The following FZD6 variants were observed in gnomAD, a reference collection of about 807,000 sequenced individuals.
The protein encoded by FZD6 is frizzled class receptor 6, also known as frizzled-6.
A neutral mutation model predicts 61.4 loss-of-function variants in FZD6; 49 were observed. The ratio of observed to expected loss-of-function variants is 0.80; its 90% CI spans 0.63 to 1.01. The LOEUF is 1.01. FZD6 is among the 50% of genes least tolerant of loss of function. The pLI, the probability that FZD6 is intolerant of heterozygous loss-of-function variation, is 0.00. For synonymous variants in FZD6, 265 were observed against 292.2 expected (o/e 0.91, Z 0.95); for missense variants, 724 against 848.2 (o/e 0.85, Z 1.82).
chr8:103,318,499 T>A, intron 2 of FZD6, 91 bp from the exon 3 acceptor site: 1 of 786,826 alleles, frequency 1.3e-6, no homozygotes, highest in Non-Finnish European at 2.2e-6. Flanking sequence ...GCAGTATAAG[T>A]GAAAAAGCAT....
chr8:103,328,462 T>C (rs1815020037), intron 5 of FZD6, 46 bp downstream of exon 5: 3 of 1,326,992 alleles, frequency 2.3e-6, no homozygotes, highest in Non-Finnish European at 3.3e-6. Context: ...AATAAATAGA[T>C]CAAAATACCA....
chr8:103,304,149 A>T (rs1814262037), intron 2 of FZD6, among the ~76,000 whole-genome samples: 1 of 152,192 alleles, frequency 6.6e-6, no homozygotes, highest in African/African-American at 2.4e-5. Context: ...AGGGGCTGAA[A>T]AATTGCCTGA....
chr8:103,300,255 G>T lies in FZD6; in HGVS notation c.148G>T (p.Asp50Tyr). The change falls in exon 2 of 7, where the codon GAC becomes TAC. Residue 50 changes from aspartate (D) to tyrosine (Y), a missense_variant. Transcript: ENST00000358755. ...TTTCCCTAATCTGATGGGTCATTAT[G>T]ACCAGAGTATTGCCGCGGTGGAAAT... ...TFFPNLMGHY[D>Y]QSIAAVEMEH... The T allele has an allele frequency of 1.2e-6, 2 of 1,612,346 alleles. No homozygotes were observed. Among genetic ancestry groups the T allele is most frequent in the South Asian group, 2.2e-5 (2 of 91,012 alleles).
rs1815078364 is a variant in FZD6 at position 103,330,025 on chromosome 8, C to T, written c.1912C>T (p.Gln638Ter). The change falls in exon 6 of 7, where the codon CAG becomes TAG. Residue 638 changes from glutamine to a stop codon, truncating the protein, a stop_gained. Transcript: ENST00000358755. LOFTEE classifies it low-confidence loss of function (END_TRUNC). ...LSGEQVDGKG[Q>*]AGSVSESARS... ...TGGGGAACAGGTCGACGGGAAGGGC[C>T]AGGCAGGCAGTGTATCTGAAAGTGC... 2.5e-6 allele frequency: 4 copies of T among 1,613,932 alleles called. No individual in the cohort carries two copies. The highest frequency in any genetic ancestry group is 2.7e-5 in the African/African-American group (2 of 74,910).
At chr8:103,321,308 A>G (rs987389967) in intron 3 of FZD6, among the ~76,000 whole-genome samples, 1 of 152,240 alleles carries the variant, frequency 6.6e-6, no homozygotes, top group African/African-American at 2.4e-5. Context: ...ATGTCCCATT[A>G]ATATAAAGCA....
rs1373808355 is a variant in FZD6 at position 103,307,693 on chromosome 8, C to A, written c.177+7409C>A. On this transcript the variant is annotated intron_variant, in intron 2 of 6. Transcript: ENST00000358755. ...AATTCTTTTAACTCTGAAGAAGGAGCCTCCTTTCCTTGTGTTCTAAGGTGT... is the reference window on the plus strand; with the variant it reads ...AATTCTTTTAACTCTGAAGAAGGAGACTCCTTTCCTTGTGTTCTAAGGTGT... 4 of 444,244 alleles carry A rather than the reference C, an allele frequency of 9.0e-6. No homozygotes were observed. The East Asian group carries it at 2.8e-4, about 31-fold the overall frequency. 27.5% of individuals were successfully genotyped at this position (444,244 alleles called of 1,614,324 possible). A position where few individuals can be genotyped will look rare whatever the true frequency, so the allele number is the denominator to read the frequency against.
At chr8:103,300,958 T>G (rs549675914) in intron 2 of FZD6, among the ~76,000 whole-genome samples, 1 of 152,180 alleles carries the variant, frequency 6.6e-6, no homozygotes, top group Admixed American at 6.5e-5. Flanking sequence ...GAAAGCTACC[T>G]GTACAGACAG....
intron 2 of FZD6, among the ~76,000 whole-genome samples, chr8:103,313,810 A>AG (rs925893346): frequency 1.6e-4 from 22 of 137,552 alleles, no homozygotes; most frequent in East Asian, 2.4e-4. Flanking sequence ...GTGTCAGGGA[A>AG]GGGGGGGGCC....
chr8:103,331,731 A>AT lies in FZD6; in HGVS notation c.*229dup, dbSNP rs1815141445. The AT allele has an allele frequency of 8.2e-6, 4 of 485,396 alleles. No individual in the cohort carries two copies. The highest frequency in any genetic ancestry group is 6.3e-5 in the South Asian group (3 of 47,288). 30.1% of individuals were successfully genotyped at this position (485,396 alleles called of 1,614,324 possible). The stretch of plus-strand genomic sequence containing the variant: ...AACAGAAAATGTGCAGGTTAATAAT[A>AT]TTTTTTTAATAGTGTGGGAGGACAG... On this transcript the variant is annotated 3_prime_UTR_variant, in exon 7 of 7. Coordinates refer to ENST00000358755, the MANE Select transcript of FZD6 (RefSeq NM_003506.4).
At chr8:103,315,240 T>C (rs1814597310) in intron 2 of FZD6, among the ~76,000 whole-genome samples, 1 of 152,232 alleles carries the variant, frequency 6.6e-6, no homozygotes, top group South Asian at 2.1e-4. Context: ...GTTATTTCAA[T>C]TACCACTTTT....
intron 2 of FZD6, among the ~76,000 whole-genome samples, chr8:103,317,765 G>T (rs1219830602): frequency 1.3e-5 from 2 of 150,784 alleles, no homozygotes; most frequent in Non-Finnish European, 2.9e-5. Flanking sequence ...GGCAGAGGTT[G>T]TGGTGAGCTG....
rs984051667 is a variant in FZD6 at position 103,331,778 on chromosome 8, C to T, written c.*269C>T. ...ACAGAGTTAGAGGAATCTTCCTTTT[C>T]TATTTATGAAGATTCTACTCTTGGT... On this transcript the variant is annotated 3_prime_UTR_variant, in exon 7 of 7. Coordinates refer to ENST00000358755, the MANE Select transcript of FZD6 (RefSeq NM_003506.4). The T allele has an allele frequency of 2.6e-6, 1 of 377,450 alleles. No individual in the cohort carries two copies. Among genetic ancestry groups the T allele is most frequent in the Non-Finnish European group, 4.9e-6 (1 of 202,574 alleles). The allele number at this position is 377,450 out of a possible 1,614,324, so 23.4% of individuals were successfully genotyped here.
At position 103,331,450 on chromosome 8, in the gene FZD6, G is replaced by A. The variant is rs1437140239; in HGVS notation, c.2062G>A (p.Val688Ile). Reference protein sequence around the residue: ...SSLKGSTSLLVHPVSGVRKEQ... With the variant: ...SSLKGSTSLLIHPVSGVRKEQ... ...CCTCAAAGGTTCCACATCTCTGCTT[G>A]TTCACCCGGTTTCAGGAGTGAGAAA... is the stretch of plus-strand genomic sequence containing the variant. The change falls in exon 7 of 7, where the codon GTT (valine) becomes ATT (isoleucine). Residue 688 changes from valine to isoleucine, a missense_variant. By Grantham distance (29) the Val-to-Ile change is conservative. Transcript: ENST00000358755. 5 of 1,611,158 alleles carry A rather than the reference G, an allele frequency of 3.1e-6. No homozygotes were observed. In the South Asian group the frequency reaches 5.5e-5, roughly 18 times the overall value.
At chr8:103,323,603 G>C (rs577140754) in intron 3 of FZD6, among the ~76,000 whole-genome samples, 3 of 152,046 alleles carry the variant, frequency 2.0e-5, no homozygotes, top group Admixed American at 6.5e-5. Flanking sequence ...GCTAATTTTT[G>C]TATTTTTAGT....
chr8:103,314,055 C>T (rs1814567964), intron 2 of FZD6, among the ~76,000 whole-genome samples: 1 of 152,060 alleles, frequency 6.6e-6, no homozygotes, highest in Non-Finnish European at 1.5e-5. Context: ...TTTCAGCATT[C>T]AGTTTATCCT....
intron 2 of FZD6, chr8:103,307,782 T>C: frequency 2.2e-6 from 1 of 456,202 alleles, no homozygotes; most frequent in South Asian, 1.5e-5. Context: ...GAAAAGGAAT[T>C]GATTATAAGA....
At position 103,331,402 on chromosome 8, in the gene FZD6, C is replaced by G. The variant is rs970326057; in HGVS notation, c.2014C>G (p.Pro672Ala). The G allele has an allele frequency of 6.2e-7, 1 of 1,610,720 alleles. No homozygotes were observed. Among genetic ancestry groups the G allele is most frequent in the Non-Finnish European group, 8.5e-7 (1 of 1,177,040 alleles). The change falls in exon 7 of 7, where the codon CCC becomes GCC. Residue 672 changes from proline to alanine, a missense_variant. Pro to Ala is a conservative substitution (Grantham distance 27, BLOSUM62 -1). Coordinates refer to ENST00000358755, the MANE Select transcript of FZD6 (RefSeq NM_003506.4). ...GLAQSNNLQV[P>A]SSSEPSSLKG... ...GGCACAGAGCAACAATTTGCAGGTC[C>G]CCAGTTCTTCAGAACCAAGCAGCCT...
Position 103,327,464 on chromosome 8 carries a change from C to T in FZD6, c.1393-804C>T, listed in dbSNP as rs141053490. Among the ~76,000 whole-genome samples, 150 of 152,170 alleles carry T rather than the reference C, an allele frequency of 9.9e-4. 1 individual carries two copies. The East Asian group carries it at 0.025, about 26-fold the overall frequency. ...CAAAAAAATTAGCCAGGCATGGTGG[C>T]GTACACTTGTAGTCCCAGCTACTTG... On this transcript the variant is annotated intron_variant, in intron 4 of 6. Coordinates refer to ENST00000358755, the MANE Select transcript of FZD6 (RefSeq NM_003506.4).
chr8:103,313,760 C>CTGTG (rs58157848), intron 2 of FZD6, among the ~76,000 whole-genome samples: 3,595 of 142,790 alleles, frequency 0.025, 39 homozygotes, highest in African/African-American at 0.03. Context: ...CTTGATTTTT[C>CTGTG]TGTGTGTGTG....
Sources: gnomAD v4.1 joint callset for allele counts (sites outside exome capture counted in the v4.1 genomes callset) on GRCh38, gnomAD v4.1.1 for gene constraint, MANE v1.5 for transcripts, NCBI Gene and HGNC (gene_info 2026-07-23, HGNC 2026-07-21) for gene names.